NT5E: variants seen among roughly 807,000 people sequenced by gnomAD.
NT5E encodes 5'-nucleotidase ecto.
A neutral mutation model predicts 55.1 loss-of-function variants in NT5E; 53 were observed. That is an observed-to-expected ratio of 0.96 (90% CI 0.77 to 1.21). NT5E has a LOEUF of 1.21. Ranked by LOEUF, NT5E falls within the 50% of genes most tolerant of loss-of-function variation. NT5E has a pLI of 0.00. For synonymous variants in NT5E, 270 were observed against 278.4 expected, an observed-to-expected ratio of 0.97 and a Z score of 0.30; for missense variants, 683 against 724.3, an observed-to-expected ratio of 0.94 and a Z score of 0.65.
chr6:85,474,816 C>A (rs1205941767), intron 3 of NT5E, among the ~76,000 whole-genome samples: 1 of 152,048 alleles, frequency 6.6e-6, no homozygotes, highest in Non-Finnish European at 1.5e-5. Context: ...TGCCTGTAGT[C>A]CCACCTACTC....
chr6:85,471,418 T>C lies in NT5E; in HGVS notation c.744T>C (p.Leu248=). Residue 248 remains leucine (L), a synonymous_variant, in exon 3 of 9, where the codon CTT becomes CTC. Transcript: ENST00000257770. The stretch of plus-strand genomic sequence containing the variant: ...TGGGAGGACACTCCAACACATTTCT[T>C]TACACAGGTAATTGTTTCAAAAGGA... ...VVVGGHSNTF[L]YTGNPPSKEV... The C allele has an allele frequency of 6.2e-7, 1 of 1,612,326 alleles. No individual in the cohort carries two copies. The highest frequency in any genetic ancestry group is 1.1e-5 in the South Asian group (1 of 90,872).
intron 6 of NT5E, 83 bp downstream of exon 6, chr6:85,489,682 C>A: frequency 2.1e-6 from 2 of 956,698 alleles, no homozygotes; most frequent in Non-Finnish European, 3.3e-6. Context: ...CCTGAACACA[C>A]CCATGTGCAG....
At chr6:85,465,960 A>T (rs1364607873) in intron 1 of NT5E, among the ~76,000 whole-genome samples, 1 of 152,212 alleles carries the variant, frequency 6.6e-6, no homozygotes, top group Non-Finnish European at 1.5e-5. Context: ...AGTGAAACGA[A>T]ACTGGATGTG....
intron 1 of NT5E, among the ~76,000 whole-genome samples, chr6:85,464,702 G>C (rs570605795): frequency 6.6e-6 from 1 of 152,176 alleles, no homozygotes; most frequent in East Asian, 1.9e-4. Flanking sequence ...GAATAGTTTA[G>C]CAAAAGAAAT....
At chr6:85,487,716 A>C (rs948536391) in intron 5 of NT5E, among the ~76,000 whole-genome samples, 8 of 152,196 alleles carry the variant, frequency 5.3e-5, no homozygotes, top group Admixed American at 5.2e-4. Context: ...GCACCAGTGC[A>C]CTCCAGCCTG....
At chr6:85,472,122 C>T (rs1769322545) in intron 3 of NT5E, among the ~76,000 whole-genome samples, 1 of 152,240 alleles carries the variant, frequency 6.6e-6, no homozygotes. Flanking sequence ...ACCTTTCCCA[C>T]TTCCCCCACC....
intron 3 of NT5E, among the ~76,000 whole-genome samples, chr6:85,473,367 A>G (rs1188654951): frequency 1.3e-5 from 2 of 152,190 alleles, no homozygotes; most frequent in Non-Finnish European, 2.9e-5. Context: ...CACAGGGCCT[A>G]GTATGTTAGC....
chr6:85,474,080 A>G (rs1184829802), intron 3 of NT5E, among the ~76,000 whole-genome samples: 1 of 152,046 alleles, frequency 6.6e-6, no homozygotes, highest in Non-Finnish European at 1.5e-5. Context: ...TCTGTGGGGG[A>G]TTGGTTCTAG....
intron 1 of NT5E, among the ~76,000 whole-genome samples, chr6:85,460,041 C>G (rs775855915): frequency 1.2e-4 from 18 of 152,140 alleles, no homozygotes; most frequent in Non-Finnish European, 2.4e-4. Flanking sequence ...TATACAATGA[C>G]CTTATTTGGA....
At chr6:85,489,715 G>A (rs907644593) in intron 6 of NT5E, 116 bp downstream of exon 6, 14 of 759,458 alleles carry the variant, frequency 1.8e-5, no homozygotes, top group Non-Finnish European at 3.2e-5. Context: ...TCTGCTGCCA[G>A]CCATGTACCA....
At chr6:85,463,784 G>A (rs1769138415) in intron 1 of NT5E, among the ~76,000 whole-genome samples, 1 of 152,156 alleles carries the variant, frequency 6.6e-6, no homozygotes, top group African/African-American at 2.4e-5. Context: ...GCATGATCCT[G>A]AAGAGCTTAG....
chr6:85,451,224 AAGAAAGAAAGAAAG>A (rs1259657718), intron 1 of NT5E, among the ~76,000 whole-genome samples: 2 of 151,870 alleles, frequency 1.3e-5, no homozygotes, highest in African/African-American at 4.8e-5. Context: ...AAGAAAAGGA[AAGAAAGAAAGAAAG>A]AGAAAGAAAG....
At position 85,494,870 on chromosome 6, in the gene NT5E, G is replaced by A. The variant is rs1769858580; in HGVS notation, c.*866G>A. On this transcript the variant is annotated 3_prime_UTR_variant, in exon 9 of 9. Transcript: ENST00000257770. ...TGTTTTATATTATAGAAAAGCAAGA[G>A]CTAAAGAGCATTTACACATGTTAAA... The A allele has an allele frequency of 6.6e-6, 1 of 152,226 alleles. No homozygotes were observed. The highest frequency in any genetic ancestry group is 1.5e-5 in the Non-Finnish European group (1 of 68,040). 9.4% of individuals were successfully genotyped at this position (152,226 alleles called of 1,614,324 possible).
In NT5E at chr6:85,475,064, G is replaced by A. The variant is rs141622084; in HGVS notation, c.751+3639G>A. 2.4e-3 allele frequency among the ~76,000 whole-genome samples: 371 copies of A among 152,256 alleles called. 2 individuals carry two copies. The highest frequency in any genetic ancestry group is 8.7e-3 in the African/African-American group (362 of 41,542). On this transcript the variant is annotated intron_variant, in intron 3 of 8. Coordinates refer to ENST00000257770, the MANE Select transcript of NT5E (RefSeq NM_002526.4). ...TCTGCTGAATAATTTTATGGAATTA[G>A]AATGACATTAAAATAATGAATCTGA...
At chr6:85,489,467 T>C (rs1769738070) in intron 5 of NT5E, 27 bp from the exon 6 acceptor site, 3 of 1,472,718 alleles carry the variant, frequency 2.0e-6, no homozygotes, top group African/African-American at 2.8e-5. Flanking sequence ...CCAGAGTAAC[T>C]AGTGTAAATC....
At chr6:85,481,066 T>A (rs557408489) in intron 3 of NT5E, among the ~76,000 whole-genome samples, 1,594 of 152,226 alleles carry the variant, frequency 0.01, 22 homozygotes, top group African/African-American at 0.036. Flanking sequence ...TTCCACCACA[T>A]GGAAAGCATC....
chr6:85,452,902 T>A (rs1318877109), intron 1 of NT5E, among the ~76,000 whole-genome samples: 3 of 152,144 alleles, frequency 2.0e-5, no homozygotes, highest in Admixed American at 2.0e-4. Context: ...CATCTCCAGT[T>A]TCCTGGAGAC....
rs1250708696 is a variant in NT5E at position 85,467,239 on chromosome 6, C to T, written c.519C>T (p.Ile173=). The part of the protein sequence containing the change: ...VLPVGDEVVG[I]VGYTSKETPF... Reference sequence around the variant, plus strand: ...CTGTTGGTGATGAAGTTGTGGGAATCGTTGGATACACTTCCAAAGAAACCC... The same window carrying T: ...CTGTTGGTGATGAAGTTGTGGGAATTGTTGGATACACTTCCAAAGAAACCC... Residue 173 remains isoleucine (I), a synonymous_variant, in exon 2 of 9, where the codon ATC becomes ATT. Transcript: ENST00000257770. The T allele has an allele frequency of 2.5e-6, 4 of 1,613,994 alleles. No homozygotes were observed. Among genetic ancestry groups the T allele is most frequent in the East Asian group, 4.5e-5 (2 of 44,886 alleles).
intron 5 of NT5E, among the ~76,000 whole-genome samples, chr6:85,488,224 T>A (rs1324020823): frequency 6.6e-6 from 1 of 152,242 alleles, no homozygotes; most frequent in Non-Finnish European, 1.5e-5. Flanking sequence ...GGGGCCTTAC[T>A]GAGCCAAGGT....
Sources: gnomAD v4.1 joint callset for allele counts (sites outside exome capture counted in the v4.1 genomes callset) on GRCh38, gnomAD v4.1.1 for gene constraint, MANE v1.5 for transcripts, NCBI Gene and HGNC (gene_info 2026-07-23, HGNC 2026-07-21) for gene names.